SNTG2: variants seen among roughly 807,000 people sequenced by gnomAD.
SNTG2 encodes the protein syntrophin gamma 2.
Under a neutral mutation model 70.9 loss-of-function variants are expected in SNTG2, and 74 were observed. That is an observed-to-expected ratio of 1.04 (90% CI 0.86 to 1.27). The LOEUF is 1.27. SNTG2 is among the 50% of genes most tolerant of loss of function. The pLI is 0.00. For synonymous variants in SNTG2, 278 were observed against 273.8 expected, an observed-to-expected ratio of 1.02 and a Z score of -0.15; for missense variants, 717 against 690.7, an observed-to-expected ratio of 1.04 and a Z score of -0.43.
chr2:1,242,443 A>G (rs28641146), intron 11 of SNTG2, among the ~76,000 whole-genome samples: 33,726 of 152,104 alleles, frequency 0.22, 5,960 homozygotes, highest in African/African-American at 0.48. Context: ...AGCATAATGT[A>G]TGCATTTTTA....
chr2:1,024,663 C>T (rs567262016), intron 1 of SNTG2, among the ~76,000 whole-genome samples: 7 of 152,262 alleles, frequency 4.6e-5, no homozygotes, highest in Middle Eastern at 3.4e-3. Context: ...CATGAGCCAC[C>T]GTGCCCACCC....
rs80273020 is a variant in SNTG2 at position 1,062,321 on chromosome 2, C to T, written c.73-21197C>T. 2.1e-4 allele frequency among the ~76,000 whole-genome samples: 32 copies of T among 152,194 alleles called. No individual in the cohort carries two copies. The East Asian group carries it at 5.2e-3, about 25-fold the overall frequency. On this transcript the variant is annotated intron_variant, in intron 1 of 16. Transcript: ENST00000308624. Reference sequence around the variant, plus strand: ...AGATGGAGACATAGAAATAAAAGCACGAAATGATAAAAGATAGGGTTCAGA... The same window carrying T: ...AGATGGAGACATAGAAATAAAAGCATGAAATGATAAAAGATAGGGTTCAGA...
intron 16 of SNTG2, among the ~76,000 whole-genome samples, chr2:1,329,084 G>A (rs948038948): frequency 2.0e-5 from 3 of 150,866 alleles, no homozygotes; most frequent in African/African-American, 4.9e-5. Flanking sequence ...AACATTCCTG[G>A]TTTTTTTTTC....
chr2:1,235,234 G>T (rs1204500593), intron 9 of SNTG2, among the ~76,000 whole-genome samples: 8 of 138,334 alleles, frequency 5.8e-5, no homozygotes, highest in Non-Finnish European at 3.1e-5. Flanking sequence ...ATTCATGAGA[G>T]GGGGCGCCCC....
chr2:1,084,252 G>A (rs1572392064), intron 2 of SNTG2, among the ~76,000 whole-genome samples: 1 of 152,026 alleles, frequency 6.6e-6, no homozygotes, highest in East Asian at 1.9e-4. Flanking sequence ...AAAATGAAGG[G>A]GGCATTTCCC....
intron 12 of SNTG2, among the ~76,000 whole-genome samples, chr2:1,249,667 TTTGTATTCTGCTTAG>T (rs749214522): frequency 1.4e-4 from 22 of 152,216 alleles, no homozygotes; most frequent in Non-Finnish European, 2.8e-4. Flanking sequence ...TCAGTATTCA[TTTGTATTCTGCTTAG>T]TTGTAAATTA....
chr2:1,064,391 T>C (rs907529942), intron 1 of SNTG2, among the ~76,000 whole-genome samples: 8 of 151,610 alleles, frequency 5.3e-5, no homozygotes, highest in South Asian at 2.1e-4. Flanking sequence ...TATCCACATA[T>C]GTAATTTATG....
intron 14 of SNTG2, among the ~76,000 whole-genome samples, chr2:1,291,782 TC>T (rs1680003924): frequency 6.6e-6 from 1 of 152,206 alleles, no homozygotes; most frequent in Non-Finnish European, 1.5e-5. Context: ...GATTGTGAAA[TC>T]TCCAACTTGT....
intron 8 of SNTG2, among the ~76,000 whole-genome samples, chr2:1,198,397 A>C (rs6743070): frequency 0.56 from 84,199 of 151,434 alleles, 24,622 homozygotes; most frequent in East Asian, 0.75. Context: ...GTACTAAAAC[A>C]TATAGGATAT....
At chr2:1,344,347 T>C (rs1196285703) in intron 16 of SNTG2, among the ~76,000 whole-genome samples, 1 of 5,998 alleles carries the variant, frequency 1.7e-4, no homozygotes, top group Non-Finnish European at 2.3e-4. Context: ...CAGCTTCCTC[T>C]CACTGGGACT....
intron 1 of SNTG2, among the ~76,000 whole-genome samples, chr2:952,647 T>C (rs989025341): frequency 1.4e-5 from 2 of 144,120 alleles, no homozygotes; most frequent in African/African-American, 5.4e-5. Flanking sequence ...CCTGTCTGAA[T>C]TGTATTGAAA....
At chr2:1,129,360 A>T (rs775120665) in intron 4 of SNTG2, among the ~76,000 whole-genome samples, 1 of 152,226 alleles carries the variant, frequency 6.6e-6, no homozygotes, top group African/African-American at 2.4e-5. Flanking sequence ...TTTTGAACTC[A>T]GTGTCCATTA....
intron 1 of SNTG2, among the ~76,000 whole-genome samples, chr2:975,687 A>G (rs1044071285): frequency 1.3e-5 from 2 of 152,264 alleles, no homozygotes; most frequent in African/African-American, 4.8e-5. Context: ...AAATCTAAGC[A>G]TAATTGAAGA....
chr2:983,469 C>T (rs1190083238), intron 1 of SNTG2, among the ~76,000 whole-genome samples: 1 of 152,088 alleles, frequency 6.6e-6, no homozygotes, highest in Non-Finnish European at 1.5e-5. Flanking sequence ...CTGCCTCCCA[C>T]CCTTCCTGCC....
chr2:992,143 A>G (rs1193469936), intron 1 of SNTG2, among the ~76,000 whole-genome samples: 3 of 152,220 alleles, frequency 2.0e-5, no homozygotes, highest in Non-Finnish European at 2.9e-5. Context: ...TATTTTATAT[A>G]AATTATCAAT....
chr2:1,114,601 G>C (rs1216511450), intron 4 of SNTG2, among the ~76,000 whole-genome samples: 2 of 148,792 alleles, frequency 1.3e-5, no homozygotes, highest in Non-Finnish European at 2.9e-5. Context: ...AGGATCGTGT[G>C]TAGTAAGTGA....
chr2:1,214,675 A>G (rs1158298315), intron 9 of SNTG2, among the ~76,000 whole-genome samples: 2 of 152,124 alleles, frequency 1.3e-5, no homozygotes, highest in Admixed American at 6.5e-5. Context: ...AGCTTATGTC[A>G]TCAGCAAACA....
intron 2 of SNTG2, among the ~76,000 whole-genome samples, chr2:1,090,377 G>A (rs1664943402): frequency 6.6e-6 from 1 of 152,216 alleles, no homozygotes. Flanking sequence ...CTCATATGTG[G>A]TGAGTTCTTG....
chr2:1,067,135 C>CAAAA (rs35467522), intron 1 of SNTG2, among the ~76,000 whole-genome samples: 1 of 132,902 alleles, frequency 7.5e-6, no homozygotes, highest in Non-Finnish European at 1.6e-5. Flanking sequence ...AAGTCACTAG[C>CAAAA]AAAAAAAAAA....
Sources: allele counts gnomAD v4.1 joint callset (sites outside exome capture counted in the v4.1 genomes callset), GRCh38; gene constraint gnomAD v4.1.1; transcripts MANE v1.5; gene names NCBI Gene and HGNC (gene_info 2026-07-23, HGNC 2026-07-21).